Variants in NKAIN3 observed in about 807,000 individuals in gnomAD.
The protein encoded by NKAIN3 is sodium/potassium transporting ATPase interacting 3, also known as sodium/potassium-transporting ATPase subunit beta-1-interacting protein 3.
NKAIN3 carries 25 observed loss-of-function variants against 30.2 expected under a neutral mutation model. The observed-to-expected ratio is 0.83, with a 90% CI of 0.60 to 1.16. The LOEUF (loss-of-function observed/expected upper bound fraction) is 1.16, where lower values mean the gene tolerates loss of function less well. NKAIN3 is among the 50% of genes most tolerant of loss of function. The pLI is 0.00. For synonymous variants in NKAIN3, 91 were observed against 89.6 expected (o/e 1.02, Z -0.09); for missense variants, 225 against 254.1 (o/e 0.89, Z 0.78).
intron 3 of NKAIN3, among the ~76,000 whole-genome samples, chr8:62,618,227 A>G (rs1811520195): frequency 6.6e-6 from 1 of 152,286 alleles, no homozygotes; most frequent in Non-Finnish European, 1.5e-5. Flanking sequence ...CCTATTTCTG[A>G]GAAATTAAAA....
At chr8:62,500,454 AAAGAAAGAAAG>A (rs1488687365) in intron 1 of NKAIN3, among the ~76,000 whole-genome samples, 1 of 140,136 alleles carries the variant, frequency 7.1e-6, no homozygotes, top group Non-Finnish European at 1.5e-5. Flanking sequence ...AGAAAGAAAG[AAAGAAAGAAAG>A]AAAGAAAGAA....
intron 4 of NKAIN3, among the ~76,000 whole-genome samples, chr8:62,813,109 T>G (rs1020179822): frequency 1.3e-5 from 2 of 152,078 alleles, no homozygotes; most frequent in African/African-American, 4.8e-5. Flanking sequence ...GGTGTGTCCT[T>G]TCCCATTAAA....
chr8:62,586,579 T>C (rs545340321), intron 2 of NKAIN3, among the ~76,000 whole-genome samples: 3 of 152,244 alleles, frequency 2.0e-5, no homozygotes, highest in Admixed American at 6.5e-5. Context: ...TATGATATTA[T>C]AGCAAATTGA....
At chr8:62,371,896 G>A (rs2882744) in intron 1 of NKAIN3, among the ~76,000 whole-genome samples, 95 of 151,806 alleles carry the variant, frequency 6.3e-4, no homozygotes, top group African/African-American at 1.9e-3. Flanking sequence ...TATTTTCAGT[G>A]CTCAGCCCCG....
rs188560112 is a variant in NKAIN3 at position 62,344,994 on chromosome 8, G to A, written c.54+95867G>A. ...CATTTTCTTTCATCAGTGTTTTATG[G>A]TATTCATTGTAGAGATCTTTTACGT... On this transcript the variant is annotated intron_variant, in intron 1 of 6. Transcript: ENST00000623646. 4.7e-5 allele frequency: 11 copies of A among 232,050 alleles called. No homozygotes were observed. The East Asian group carries it at 1.3e-3, about 27-fold the overall frequency. The allele number at this position is 232,050 out of a possible 1,614,324, so 14.4% of individuals were successfully genotyped here.
chr8:62,698,831 G>A (rs189363415), intron 3 of NKAIN3, among the ~76,000 whole-genome samples: 4 of 152,176 alleles, frequency 2.6e-5, no homozygotes, highest in African/African-American at 4.8e-5. Flanking sequence ...TGGAAAGGAC[G>A]GAACCACGCA....
At chr8:62,555,009 TATACACACAC>T (rs879287840) in intron 1 of NKAIN3, among the ~76,000 whole-genome samples, 7 of 104,742 alleles carry the variant, frequency 6.7e-5, no homozygotes, top group South Asian at 3.8e-4. Context: ...TGGCAGAATC[TATACACACAC>T]ACACACACAC....
intron 4 of NKAIN3, chr8:62,864,326 T>C (rs1331621154): frequency 8.9e-6 from 13 of 1,468,624 alleles, no homozygotes; most frequent in South Asian, 1.2e-5. Flanking sequence ...AAAGAAAACA[T>C]TGAGAAAGAA....
At chr8:62,962,823 C>G (rs1585627182) in intron 6 of NKAIN3, among the ~76,000 whole-genome samples, 1 of 152,230 alleles carries the variant, frequency 6.6e-6, no homozygotes, top group East Asian at 1.9e-4. Context: ...AATAGCATAA[C>G]TTTTATTTTA....
At chr8:62,660,802 T>A (rs552771440) in intron 3 of NKAIN3, among the ~76,000 whole-genome samples, 1 of 152,156 alleles carries the variant, frequency 6.6e-6, no homozygotes. Context: ...ATCCTCTAAG[T>A]CCACATACCT....
chr8:62,834,932 C>T (rs973597941), intron 4 of NKAIN3, among the ~76,000 whole-genome samples: 5 of 152,002 alleles, frequency 3.3e-5, no homozygotes, highest in African/African-American at 1.2e-4. Context: ...TTAAAATATA[C>T]AATAAGGCAG....
At chr8:62,370,622 C>T (rs1816878514) in intron 1 of NKAIN3, among the ~76,000 whole-genome samples, 1 of 151,910 alleles carries the variant, frequency 6.6e-6, no homozygotes, top group Admixed American at 6.6e-5. Flanking sequence ...CTTCTTTTCA[C>T]TAGTAACTGG....
chr8:62,470,938 T>G (rs1377110710), intron 1 of NKAIN3, among the ~76,000 whole-genome samples: 5 of 152,134 alleles, frequency 3.3e-5, no homozygotes, highest in African/African-American at 4.8e-5. Flanking sequence ...TAAATCACAT[T>G]TATGTAAACA....
At chr8:62,991,785 CCT>C (rs561721937) in intron 5 of NKAIN3, among the ~76,000 whole-genome samples, 65 of 152,256 alleles carry the variant, frequency 4.3e-4, no homozygotes, top group African/African-American at 1.4e-3. Context: ...CTGGATATCT[CCT>C]GTTAATGCAA....
chr8:62,998,191 TAGTC>T (rs888142353), intron 5 of NKAIN3, among the ~76,000 whole-genome samples: 15 of 152,200 alleles, frequency 9.9e-5, no homozygotes, highest in South Asian at 2.1e-4. Context: ...TGTCAAATAT[TAGTC>T]AGAGGGTTAA....
chr8:62,839,965 T>C (rs1047309247), intron 4 of NKAIN3, among the ~76,000 whole-genome samples: 15 of 152,150 alleles, frequency 9.9e-5, no homozygotes, highest in African/African-American at 3.6e-4. Flanking sequence ...CATACATTAG[T>C]TCTAGAATTT....
chr8:62,711,893 G>C (rs1814733795), intron 3 of NKAIN3, among the ~76,000 whole-genome samples: 1 of 152,208 alleles, frequency 6.6e-6, no homozygotes, highest in South Asian at 2.1e-4. Context: ...GTCTAGGGCT[G>C]AAGGCTGTTG....
chr8:62,422,806 GTTAC>G (rs1804685181), intron 1 of NKAIN3, among the ~76,000 whole-genome samples: 1 of 152,030 alleles, frequency 6.6e-6, no homozygotes, highest in Non-Finnish European at 1.5e-5. Flanking sequence ...ATATTTGTTG[GTTAC>G]TTACTATGTT....
intron 1 of NKAIN3, among the ~76,000 whole-genome samples, chr8:62,397,152 A>G (rs1446231886): frequency 6.6e-6 from 1 of 152,190 alleles, no homozygotes; most frequent in Admixed American, 6.5e-5. Context: ...CAGGAAAGCC[A>G]CTGGCCTCAG....
Sources: gnomAD v4.1 joint callset for allele counts (sites outside exome capture counted in the v4.1 genomes callset) on GRCh38, gnomAD v4.1.1 for gene constraint, MANE v1.5 for transcripts, NCBI Gene and HGNC (gene_info 2026-07-23, HGNC 2026-07-21) for gene names.